The following GOT1 variants were observed in gnomAD, a reference collection of about 807,000 sequenced individuals.
GOT1 encodes aspartate aminotransferase, cytoplasmic.
A neutral mutation model predicts 48.2 loss-of-function variants in GOT1; 25 were observed. The ratio of observed to expected loss-of-function variants is 0.52; its 90% CI spans 0.38 to 0.72. GOT1 has a LOEUF of 0.72. Among genes scored for constraint, GOT1 ranks in the 30% least tolerant of loss-of-function variants. GOT1 has a pLI of 0.00. For synonymous variants in GOT1, 188 were observed against 193.8 expected (o/e 0.97, Z 0.25); for missense variants, 380 against 520.1 (o/e 0.73, Z 2.62).
chr10:99,397,784 C>A lies in GOT1; in HGVS notation c.1103-98G>T. 8.5e-7 allele frequency: 1 copy of A among 1,177,010 alleles called. No individual in the cohort carries two copies. Among genetic ancestry groups the A allele is most frequent in the South Asian group, 1.4e-5 (1 of 72,410 alleles). The allele number at this position is 1,177,010 out of a possible 1,614,324, so 72.9% of individuals were successfully genotyped here. A position where few individuals can be genotyped will look rare whatever the true frequency, so the allele number is the denominator to read the frequency against. ...TGACAATTACAGCTTTACTTCTTTC[C>A]CCTTAACAGAGAGAAGCAAAACAAA... is the stretch of plus-strand genomic sequence containing the variant. On this transcript the variant is annotated intron_variant, in intron 8 of 8. Coordinates refer to ENST00000370508, the MANE Select transcript of GOT1 (RefSeq NM_002079.3). The surrounding 1 kb of genome is among the most constrained non-coding windows in gnomAD (Gnocchi z 5.4).
At position 99,406,187 on chromosome 10, in the gene GOT1, C is replaced by T. The variant is rs188054786; in HGVS notation, c.487G>A (p.Asp163Asn). 1.2e-6 allele frequency: 2 copies of T among 1,613,932 alleles called. No homozygotes were observed. Among genetic ancestry groups the T allele is most frequent in the Non-Finnish European group, 1.7e-6 (2 of 1,179,794 alleles). The change falls in exon 4 of 9, where the codon GAT becomes AAT. Residue 163 changes from aspartate to asparagine, a missense_variant. Asp to Asn is a conservative substitution (Grantham distance 23). Transcript: ENST00000370508. Reference protein sequence around the residue: ...FKDIRSYRYWDAEKRGLDLQG... With the variant: ...FKDIRSYRYWNAEKRGLDLQG... ...AGGTCCAATCCTCTCTTCTCTGCAT[C>T]CCAGTAGCGATAGGACCGAATGTCT...
chr10:99,416,287 A>T (rs2032893825), intron 2 of GOT1, among the ~76,000 whole-genome samples: 1 of 151,920 alleles, frequency 6.6e-6, no homozygotes, highest in Non-Finnish European at 1.5e-5. Context: ...AAGCATTCTT[A>T]TACACCAATA....
intron 2 of GOT1, among the ~76,000 whole-genome samples, chr10:99,410,948 G>T (rs1159841349): frequency 6.6e-6 from 1 of 152,206 alleles, no homozygotes; most frequent in Non-Finnish European, 1.5e-5. Context: ...AAGATTGCTG[G>T]ATTCTAGAAC....
intron 2 of GOT1, among the ~76,000 whole-genome samples, chr10:99,417,074 C>T (rs1207954130): frequency 2.0e-5 from 3 of 152,164 alleles, no homozygotes; most frequent in Non-Finnish European, 4.4e-5. Context: ...CCAAAATTGA[C>T]AAATGGGATC....
intron 8 of GOT1, among the ~76,000 whole-genome samples, chr10:99,401,571 G>A (rs900274213): frequency 7.2e-5 from 11 of 151,882 alleles, no homozygotes; most frequent in African/African-American, 2.7e-4. Context: ...GGAGGCTGAG[G>A]CAGGAGAATA....
rs1416664306 is a variant in GOT1 at position 99,397,380 on chromosome 10, G to T, written c.*167C>A. ...TCCCAGTCTCCAAATTCGTCTCAAG[G>T]GATGTTCTCTTCATGTGGGGCCGGT... is the stretch of plus-strand genomic sequence containing the variant. On this transcript the variant is annotated 3_prime_UTR_variant, in exon 9 of 9. Coordinates refer to ENST00000370508, the MANE Select transcript of GOT1 (RefSeq NM_002079.3). The surrounding 1 kb of genome is among the most constrained non-coding windows in gnomAD (Gnocchi z 5.4). 5.7e-6 allele frequency: 4 copies of T among 696,650 alleles called. No individual in the cohort carries two copies. Among genetic ancestry groups the T allele is most frequent in the African/African-American group, 1.8e-5 (1 of 56,306 alleles). 43.2% of individuals were successfully genotyped at this position (696,650 alleles called of 1,614,324 possible).
rs2032717369 is a variant in GOT1, at chr10:99,403,743, G to C, written c.774C>G (p.Ser258=). ...GFEFFCAQSF[S]KNFGLYNERV... ...ACTCACTGTAGAGCCCGAAGTTCTT[G>C]GAGAAGGACTGGGCACAGAAGAACT... Residue 258 remains serine (S), a synonymous_variant, in exon 6 of 9, where the codon TCC becomes TCG. Coordinates refer to ENST00000370508, the MANE Select transcript of GOT1 (RefSeq NM_002079.3). 6.2e-7 allele frequency: 1 copy of C among 1,614,066 alleles called. No individual in the cohort carries two copies. Among genetic ancestry groups the C allele is most frequent in the Non-Finnish European group, 8.5e-7 (1 of 1,180,052 alleles).
At chr10:99,412,655 G>T (rs560061621) in intron 2 of GOT1, among the ~76,000 whole-genome samples, 1 of 152,110 alleles carries the variant, frequency 6.6e-6, no homozygotes, top group Admixed American at 6.5e-5. Flanking sequence ...CTCCTCAAGT[G>T]GGTCCCTGAC....
intron 1 of GOT1, among the ~76,000 whole-genome samples, chr10:99,429,128 C>A (rs2033078979): frequency 6.6e-6 from 1 of 151,906 alleles, no homozygotes; most frequent in Non-Finnish European, 1.5e-5. Flanking sequence ...CGGCTCACTG[C>A]AACCTCCGTC....
intron 1 of GOT1, among the ~76,000 whole-genome samples, chr10:99,429,234 A>G (rs1194568440): frequency 1.3e-5 from 2 of 151,950 alleles, no homozygotes; most frequent in African/African-American, 2.4e-5. Flanking sequence ...TATTTTTAGT[A>G]GAGATGGGGT....
chr10:99,408,296 T>G (rs1295255409), intron 2 of GOT1, among the ~76,000 whole-genome samples: 2 of 152,196 alleles, frequency 1.3e-5, no homozygotes, highest in Non-Finnish European at 2.9e-5. Flanking sequence ...CTATAGATCT[T>G]TGATTTTGCC....
At chr10:99,422,963 C>T (rs533390353) in intron 1 of GOT1, among the ~76,000 whole-genome samples, 2 of 152,198 alleles carry the variant, frequency 1.3e-5, no homozygotes, top group Non-Finnish European at 2.9e-5. Context: ...CCTGTACATA[C>T]GTCATCTCAC....
intron 2 of GOT1, among the ~76,000 whole-genome samples, chr10:99,409,385 C>A (rs954571278): frequency 5.3e-5 from 8 of 152,272 alleles, no homozygotes; most frequent in South Asian, 2.1e-4. Context: ...CCTGCCTCGG[C>A]TTCCCAAAGT....
chr10:99,405,520 G>GACAC (rs138777645), intron 5 of GOT1, among the ~76,000 whole-genome samples: 14,911 of 143,448 alleles, frequency 0.1, 804 homozygotes, highest in Middle Eastern at 0.12. Context: ...CATAAAACTA[G>GACAC]ACACACACAC....
At position 99,422,445 on chromosome 10, in the gene GOT1, C is replaced by T. The variant is rs142900819; in HGVS notation, c.119-1640G>A. On this transcript the variant is annotated intron_variant, in intron 1 of 8. Transcript: ENST00000370508. ...GGAGTATGAAAATTTTGGTGTACAA[C>T]CTTCTAAGCTTTATTTTTGATGGGC... 2.5e-4 allele frequency among the ~76,000 whole-genome samples: 38 copies of T among 152,234 alleles called. No individual in the cohort carries two copies. In the East Asian group the frequency reaches 7.3e-3, roughly 29 times the overall value.
intron 2 of GOT1, among the ~76,000 whole-genome samples, chr10:99,412,497 G>A (rs2032839341): frequency 6.6e-6 from 1 of 151,674 alleles, no homozygotes; most frequent in African/African-American, 2.4e-5. Context: ...CCTGGGAATG[G>A]TGAGGCCTTC....
At chr10:99,402,359 T>C (rs1479428775) in intron 8 of GOT1, among the ~76,000 whole-genome samples, 1 of 152,200 alleles carries the variant, frequency 6.6e-6, no homozygotes, top group Admixed American at 6.5e-5. Context: ...GGAAATATCT[T>C]GGCTGTGGGT....
At position 99,402,572 on chromosome 10, in the gene GOT1, C is replaced by G. The variant is rs769433983; in HGVS notation, c.1102+8G>C. 1 of 1,614,032 alleles carries G rather than the reference C, an allele frequency of 6.2e-7. No individual in the cohort carries two copies. Among genetic ancestry groups the G allele is most frequent in the Non-Finnish European group, 8.5e-7 (1 of 1,179,944 alleles). Reference sequence around the variant, plus strand: ...ACGCATGGGCTGGAGGTGGTGGGGGCCACTTACGGTTCAACCCAGTGAAGC... The same window carrying G: ...ACGCATGGGCTGGAGGTGGTGGGGGGCACTTACGGTTCAACCCAGTGAAGC... On this transcript the variant is annotated splice_region_variant and intron_variant, in intron 8 of 8. Coordinates refer to ENST00000370508, the MANE Select transcript of GOT1 (RefSeq NM_002079.3).
rs756243615 is a variant in GOT1, at chr10:99,403,728, G to C, written c.789C>G (p.Leu263=). The change falls in exon 6 of 9, where the codon CTC becomes CTG. Residue 263 remains leucine, a synonymous_variant. Transcript: ENST00000370508. ...CAQSFSKNFG[L]YNERVGNLTV... ...ACTCCTCAGGAGAGCACTCACTGTA[G>C]AGCCCGAAGTTCTTGGAGAAGGACT... is the stretch of plus-strand genomic sequence containing the variant. 3.1e-6 allele frequency: 5 copies of C among 1,614,208 alleles called. No individual in the cohort carries two copies. The South Asian group carries it at 3.3e-5, about 11-fold the overall frequency.
Sources: allele counts gnomAD v4.1 joint callset (sites outside exome capture counted in the v4.1 genomes callset), GRCh38; gene constraint gnomAD v4.1.1; non-coding constraint Gnocchi (gnomAD v3.1); transcripts MANE v1.5; gene names NCBI Gene and HGNC (gene_info 2026-07-23, HGNC 2026-07-21).